Variants in UTP11 observed in about 807,000 individuals in gnomAD.
The protein encoded by UTP11 is probable U3 small nucleolar RNA-associated protein 11.
A neutral mutation model predicts 39.0 loss-of-function variants in UTP11; 29 were observed. The observed-to-expected ratio is 0.74, with a 90% CI of 0.55 to 1.01. UTP11 has a LOEUF of 1.01. Among genes scored for constraint, UTP11 ranks in the 50% least tolerant of loss-of-function variants. The probability of loss-of-function intolerance (pLI) is 0.00; values close to 1 mark genes in which losing one functional copy is unlikely to be tolerated. For synonymous variants in UTP11, 111 were observed against 105.0 expected, an observed-to-expected ratio of 1.06 and a Z score of -0.35; for missense variants, 281 against 306.0, an observed-to-expected ratio of 0.92 and a Z score of 0.61.
At chr1:38,022,393 G>C (rs899669227) in intron 6 of UTP11, among the ~76,000 whole-genome samples, 1 of 150,986 alleles carries the variant, frequency 6.6e-6, no homozygotes, top group African/African-American at 2.4e-5. Flanking sequence ...TTTTTTTTGA[G>C]ACAGAGTCTC....
At position 38,017,680 on chromosome 1, in the gene UTP11, A is replaced by G. The variant is rs1194940894; in HGVS notation, c.138A>G (p.Lys46=). The G allele has an allele frequency of 6.3e-7, 1 of 1,597,240 alleles. No individual in the cohort carries two copies. Among genetic ancestry groups the G allele is most frequent in the Non-Finnish European group, 8.5e-7 (1 of 1,173,448 alleles). ...ACCTGTCTTTTAGTGACTACCGTAAAAAACAAGAATACCTCAAAGCTCTTC... is the reference window on the plus strand; with the variant it reads ...ACCTGTCTTTTAGTGACTACCGTAAGAAACAAGAATACCTCAAAGCTCTTC... The part of the protein sequence containing the change: ...DYKLRADDYR[K]KQEYLKALRK... Residue 46 remains lysine (K), a synonymous_variant, in exon 3 of 8, where the codon AAA becomes AAG. Transcript: ENST00000373014.
chr1:38,023,490 G>T, intron 7 of UTP11, 55 bp from the exon 8 acceptor site: 2 of 1,537,930 alleles, frequency 1.3e-6, no homozygotes, highest in South Asian at 2.4e-5. Flanking sequence ...TTAACCTTTC[G>T]ATTTTACAAA....
intron 2 of UTP11, 96 bp from the exon 3 acceptor site, chr1:38,017,572 A>G: frequency 1.1e-6 from 1 of 937,236 alleles, no homozygotes; most frequent in African/African-American, 1.7e-5. Context: ...GTGACCTTTT[A>G]GATGCTTGTA....
In UTP11 at chr1:38,022,771, G is replaced by A. The variant is rs763305947; in HGVS notation, c.640G>A (p.Val214Ile). 10 of 1,613,794 alleles carry A rather than the reference G, an allele frequency of 6.2e-6. No homozygotes were observed. The highest frequency in any genetic ancestry group is 1.7e-5 in the Admixed American group (1 of 59,988). The change falls in exon 7 of 8, where the codon GTT (valine) becomes ATT (isoleucine). Residue 214 changes from valine to isoleucine, a missense_variant. Transcript: ENST00000373014. Reference sequence around the variant, plus strand: ...GATTGAACGAGAGAAGAAATTGTTCGTTATTGCTCAGAAAATTCAAACACG... The same window carrying A: ...GATTGAACGAGAGAAGAAATTGTTCATTATTGCTCAGAAAATTCAAACACG... The part of the protein sequence containing the change: ...QRIEREKKLF[V>I]IAQKIQTRKD...
At chr1:38,013,889 A>G (rs965532959) in intron 1 of UTP11, among the ~76,000 whole-genome samples, 2 of 151,990 alleles carry the variant, frequency 1.3e-5, no homozygotes, top group Non-Finnish European at 2.9e-5. Flanking sequence ...TAATTTTTGT[A>G]TTTTTAGTAG....
At chr1:38,019,977 C>G (rs1646727398) in intron 6 of UTP11, among the ~76,000 whole-genome samples, 1 of 152,090 alleles carries the variant, frequency 6.6e-6, no homozygotes, top group South Asian at 2.1e-4. Context: ...GCGCTTTGTG[C>G]TTTTAATACT....
intron 6 of UTP11, among the ~76,000 whole-genome samples, chr1:38,021,786 G>A: frequency 6.6e-6 from 1 of 152,040 alleles, no homozygotes; most frequent in Non-Finnish European, 1.5e-5. Flanking sequence ...CCAGCTACTA[G>A]GGAGGCTGAG....
Position 38,018,456 on chromosome 1 carries a change from G to T in UTP11, c.229-8G>T, listed in dbSNP as rs1646718168. ...ATAGGGAATATATCTTTTAAATTTGGATTTTAGGATGGAGTACATATTATT... is the reference window on the plus strand; with the variant it reads ...ATAGGGAATATATCTTTTAAATTTGTATTTTAGGATGGAGTACATATTATT... On this transcript the variant is annotated splice_region_variant and splice_polypyrimidine_tract_variant and intron_variant, in intron 3 of 7. Coordinates refer to ENST00000373014, the MANE Select transcript of UTP11 (RefSeq NM_016037.4). The T allele has an allele frequency of 6.3e-7, 1 of 1,585,044 alleles. No homozygotes were observed.
At position 38,018,558 on chromosome 1, in the gene UTP11, AGAGGGTTG is replaced by A; in HGVS notation, c.324_331del (p.Lys108AsnfsTer4). The A allele has an allele frequency of 6.2e-7, 1 of 1,612,786 alleles. No homozygotes were observed. Among genetic ancestry groups the A allele is most frequent in the Non-Finnish European group, 8.5e-7 (1 of 1,179,292 alleles). Reference sequence around the variant, plus strand: ...CAGGACGTCAAATATATAGAAATGAAGAGGGTTGCAGAAGCTAAGGTAATTCACTCTTT... The same window carrying A: ...CAGGACGTCAAATATATAGAAATGAACAGAAGCTAAGGTAATTCACTCTTT... On this transcript the variant is annotated frameshift_variant, in exon 4 of 8. Coordinates refer to ENST00000373014, the MANE Select transcript of UTP11 (RefSeq NM_016037.4). LOFTEE classifies it high-confidence loss of function.
chr1:38,012,947 C>T, intron 1 of UTP11, 82 bp downstream of exon 1: 1 of 1,565,726 alleles, frequency 6.4e-7, no homozygotes, highest in Non-Finnish European at 8.8e-7. Flanking sequence ...ACCGTGGGAT[C>T]CGGGTCCAAA....
chr1:38,021,403 C>G (rs762866900), intron 6 of UTP11, among the ~76,000 whole-genome samples: 1 of 152,136 alleles, frequency 6.6e-6, no homozygotes, highest in African/African-American at 2.4e-5. Context: ...ATTTTGTTTA[C>G]TGCAAAATCA....
chr1:38,022,929 C>A, intron 7 of UTP11, 120 bp downstream of exon 7: 1 of 690,832 alleles, frequency 1.4e-6, no homozygotes. Flanking sequence ...AATGTCTGCT[C>A]CTCAGGGGCA....
Position 38,018,581 on chromosome 1 carries a change from A to G in UTP11, c.342+4A>G, listed in dbSNP as rs1646719164. 6.2e-7 allele frequency: 1 copy of G among 1,601,512 alleles called. No homozygotes were observed. Among genetic ancestry groups the G allele is most frequent in the Non-Finnish European group, 8.5e-7 (1 of 1,171,312 alleles). On this transcript the variant is annotated splice_donor_region_variant and intron_variant, in intron 4 of 7. Transcript: ENST00000373014. ...GAAGAGGGTTGCAGAAGCTAAGGTA[A>G]TTCACTCTTTGTTCTGATTGGTTTT...
chr1:38,024,641 T>C lies in UTP11; in HGVS notation c.*1013T>C, dbSNP rs1646755815. ...CCAGGATGGTCTCGATCTCCTGACC[T>C]CATGATCCACCCGCCTCGGCCTCCC... On this transcript the variant is annotated 3_prime_UTR_variant, in exon 8 of 8. Coordinates refer to ENST00000373014, the MANE Select transcript of UTP11 (RefSeq NM_016037.4). The C allele has an allele frequency of 6.6e-6, 1 of 150,750 alleles. No individual in the cohort carries two copies. Among genetic ancestry groups the C allele is most frequent in the African/African-American group, 2.4e-5 (1 of 40,974 alleles). 9.3% of individuals were successfully genotyped at this position (150,750 alleles called of 1,614,324 possible).
chr1:38,017,614 A>T (rs967764145), intron 2 of UTP11, 54 bp from the exon 3 acceptor site: 4 of 1,391,948 alleles, frequency 2.9e-6, no homozygotes, highest in Non-Finnish European at 1.9e-6. Context: ...TTGGTTTTTT[A>T]AAATTATCTA....
chr1:38,022,619 T>C, intron 6 of UTP11, 80 bp from the exon 7 acceptor site: 1 of 956,834 alleles, frequency 1.0e-6, no homozygotes, highest in Non-Finnish European at 1.7e-6. Flanking sequence ...TGCAGTTGGC[T>C]TAAATGGATT....
Position 38,019,130 on chromosome 1 carries a change from C to T in UTP11, c.414C>T (p.Phe138=). 6.2e-7 allele frequency: 1 copy of T among 1,613,776 alleles called. No individual in the cohort carries two copies. ...GGAAGCAACAGAACAAGCATGTGTTCTTTTTTGACACCAAAAAGGAAGGTA... is the reference window on the plus strand; with the variant it reads ...GGAAGCAACAGAACAAGCATGTGTTTTTTTTTGACACCAAAAAGGAAGGTA... ...FQGKQQNKHV[F]FFDTKKEVEQ... The change falls in exon 5 of 8, where the codon TTC becomes TTT. Residue 138 remains phenylalanine (F), a synonymous_variant. Coordinates refer to ENST00000373014, the MANE Select transcript of UTP11 (RefSeq NM_016037.4).
intron 3 of UTP11, 69 bp from the exon 4 acceptor site, chr1:38,018,395 G>A: frequency 8.3e-7 from 1 of 1,197,750 alleles, no homozygotes; most frequent in South Asian, 1.3e-5. Context: ...TTCTAGCCGT[G>A]CACTGTGCCA....
chr1:38,013,783 C>T (rs1179200011), intron 1 of UTP11, among the ~76,000 whole-genome samples: 6 of 152,108 alleles, frequency 3.9e-5, no homozygotes. Context: ...GGCACGATCT[C>T]GCCTCACTAC....
Sources: allele counts gnomAD v4.1 joint callset (sites outside exome capture counted in the v4.1 genomes callset), GRCh38; gene constraint gnomAD v4.1.1; transcripts MANE v1.5; gene names NCBI Gene and HGNC (gene_info 2026-07-23, HGNC 2026-07-21).